Variants in SATB2 observed in about 807,000 individuals in gnomAD.
SATB2 encodes the protein SATB homeobox 2.
SATB2 carries 1 observed loss-of-function variant against 73.4 expected under a neutral mutation model. That is an observed-to-expected ratio of 0.01 (90% CI 0.00 to 0.06). The LOEUF (loss-of-function observed/expected upper bound fraction) is 0.06. Ranked by LOEUF, SATB2 falls within the 10% of genes least tolerant of loss-of-function variation. SATB2 has a pLI of 1.00. For missense variants in SATB2, 459 were observed against 945.8 expected (o/e 0.49, Z 6.75); for synonymous variants, 397 against 367.0 (o/e 1.08, Z -0.93).
intron 2 of SATB2, among the ~76,000 whole-genome samples, chr2:199,453,103 C>G (rs1261347666): frequency 6.6e-6 from 1 of 152,042 alleles, no homozygotes; most frequent in Admixed American, 6.5e-5. Flanking sequence ...AGTAAATTCC[C>G]TCTACCTAAA....
At chr2:199,327,515 A>G (rs1180869695) in intron 8 of SATB2, among the ~76,000 whole-genome samples, 1 of 152,158 alleles carries the variant, frequency 6.6e-6, no homozygotes, top group Non-Finnish European at 1.5e-5. Flanking sequence ...ACCTGCAACT[A>G]TCATAGCAAC....
intron 5 of SATB2, 95 bp from the exon 6 acceptor site, chr2:199,368,802 T>C (rs1222125600): frequency 5.3e-5 from 37 of 694,172 alleles, no homozygotes; most frequent in Non-Finnish European, 8.8e-5. Context: ...ACCTCTTTTT[T>C]CTTTTAAACT....
At chr2:199,405,413 G>A (rs1187463343) in intron 3 of SATB2, among the ~76,000 whole-genome samples, 2 of 152,090 alleles carry the variant, frequency 1.3e-5, no homozygotes, top group Non-Finnish European at 1.5e-5. Flanking sequence ...TACCACCAGG[G>A]GACCCAATTC....
intron 5 of SATB2, among the ~76,000 whole-genome samples, chr2:199,372,259 A>AT (rs903270330): frequency 3.9e-5 from 6 of 152,004 alleles, no homozygotes; most frequent in African/African-American, 1.4e-4. Context: ...AATATCTGGA[A>AT]TTTTTTTTAA....
chr2:199,285,881 T>TG (rs1294839101), intron 10 of SATB2, among the ~76,000 whole-genome samples: 1 of 150,640 alleles, frequency 6.6e-6, no homozygotes, highest in African/African-American at 2.4e-5. Flanking sequence ...TAGTCTGTTT[T>TG]TTTTTTTTTT....
chr2:199,287,598 TTATC>T (rs940672039), intron 10 of SATB2, among the ~76,000 whole-genome samples: 20 of 152,116 alleles, frequency 1.3e-4, no homozygotes, highest in African/African-American at 4.6e-4. Flanking sequence ...GGGGGGGAGA[TTATC>T]TATGTATACT....
At position 199,455,930 on chromosome 2, in the gene SATB2, C is replaced by G. The variant is rs1165492597; in HGVS notation, c.108G>C (p.Gln36His). The change falls in exon 2 of 11, where the codon CAG (glutamine) becomes CAC (histidine). Residue 36 changes from glutamine (Q) to histidine (H), a missense_variant. By Grantham distance (24) the Gln-to-His change is conservative. Transcript: ENST00000417098. This position sits in a 1 kb window ranked among gnomAD's most constrained non-coding sequence, Gnocchi z 4.1. ...PPPVKVARLE[Q>H]NGSPMGARGR... ...CGCGGGCTCCCATGGGGCTGCCGTT[C>G]TGCTCCAGCCGGGCCACCTTCACTG... 6.5e-7 allele frequency: 1 copy of G among 1,537,818 alleles called. No individual in the cohort carries two copies. Among genetic ancestry groups the G allele is most frequent in the African/African-American group, 1.4e-5 (1 of 73,192 alleles).
intron 7 of SATB2, among the ~76,000 whole-genome samples, chr2:199,341,989 C>T (rs571766827): frequency 1.3e-4 from 20 of 152,280 alleles, no homozygotes; most frequent in African/African-American, 4.8e-4. Flanking sequence ...TCAGAGCTGT[C>T]GCTACTACAG....
intron 6 of SATB2, among the ~76,000 whole-genome samples, chr2:199,352,963 T>C (rs1688860890): frequency 6.6e-6 from 1 of 152,030 alleles, no homozygotes; most frequent in African/African-American, 2.4e-5. Flanking sequence ...AGTCACCCTT[T>C]ATGTTTTTCA....
At chr2:199,307,375 T>C (rs1687465413) in intron 10 of SATB2, among the ~76,000 whole-genome samples, 1 of 152,186 alleles carries the variant, frequency 6.6e-6, no homozygotes, top group African/African-American at 2.4e-5. Context: ...CACTGCTCTG[T>C]GTGGCTGAGT....
chr2:199,416,059 G>A (rs1363340498), intron 3 of SATB2, among the ~76,000 whole-genome samples: 3 of 152,204 alleles, frequency 2.0e-5, no homozygotes, highest in South Asian at 2.1e-4. Flanking sequence ...GAAAGGAAAA[G>A]TAGAACTACT....
At chr2:199,327,209 G>A (rs1342243877) in intron 8 of SATB2, among the ~76,000 whole-genome samples, 12 of 152,168 alleles carry the variant, frequency 7.9e-5, no homozygotes, top group Admixed American at 7.9e-4. Flanking sequence ...CAAGGCCGAG[G>A]TGGGCAGATT....
intron 3 of SATB2, among the ~76,000 whole-genome samples, chr2:199,413,337 G>A (rs145541693): frequency 1.1e-4 from 17 of 152,184 alleles, no homozygotes; most frequent in Middle Eastern, 3.4e-3. Flanking sequence ...TAATGATGCC[G>A]GAGCTAAAGC....
At chr2:199,367,790 A>T (rs560358655) in intron 6 of SATB2, among the ~76,000 whole-genome samples, 2 of 152,236 alleles carry the variant, frequency 1.3e-5, no homozygotes, top group Non-Finnish European at 2.9e-5. Flanking sequence ...ATTTATCTGA[A>T]TGGAGTGAAA....
At chr2:199,274,067 T>C (rs916545954) in intron 10 of SATB2, among the ~76,000 whole-genome samples, 1 of 152,236 alleles carries the variant, frequency 6.6e-6, no homozygotes, top group African/African-American at 2.4e-5. Context: ...AGTGCCTAAC[T>C]TCCTAAATCC....
intron 9 of SATB2, among the ~76,000 whole-genome samples, chr2:199,322,909 T>C (rs1299681529): frequency 6.6e-6 from 1 of 152,098 alleles, no homozygotes; most frequent in Non-Finnish European, 1.5e-5. Context: ...ATGAAAACAT[T>C]TGTCATATAA....
intron 3 of SATB2, among the ~76,000 whole-genome samples, chr2:199,383,666 T>C (rs1689843307): frequency 6.6e-6 from 1 of 152,254 alleles, no homozygotes; most frequent in Middle Eastern, 3.4e-3. Flanking sequence ...TTTTGGTTAC[T>C]AAGACTAAGC....
intron 2 of SATB2, among the ~76,000 whole-genome samples, chr2:199,440,118 T>A (rs753395773): frequency 6.6e-6 from 1 of 151,898 alleles, no homozygotes; most frequent in Non-Finnish European, 1.5e-5. Flanking sequence ...ATAATAATAA[T>A]AATAATGAAG....
At chr2:199,458,309 G>A (rs554976262), upstream of SATB2, 80 of 233,386 alleles carry the variant, frequency 3.4e-4, no homozygotes, top group Non-Finnish European at 4.8e-4. Context: ...CAACGGCGGC[G>A]GGGCTGCGAA....
Sources: gnomAD v4.1 joint callset for allele counts (sites outside exome capture counted in the v4.1 genomes callset) on GRCh38, gnomAD v4.1.1 for gene constraint, Gnocchi (gnomAD v3.1) non-coding constraint, MANE v1.5 for transcripts, NCBI Gene and HGNC (gene_info 2026-07-23, HGNC 2026-07-21) for gene names.